Variants in ARID1B observed in about 807,000 individuals in gnomAD.
The protein encoded by ARID1B is AT-rich interaction domain 1B.
In ARID1B, 30 loss-of-function variants were observed where a neutral mutation model predicts 212.3. The ratio of observed to expected loss-of-function variants is 0.14; its 90% confidence interval spans 0.11 to 0.19. The LOEUF (loss-of-function observed/expected upper bound fraction) is 0.19. Ranked by LOEUF, ARID1B falls within the 10% of genes least tolerant of loss-of-function variation. The pLI is 1.00. For synonymous variants in ARID1B, 1,402 were observed against 1,301.7 expected (o/e 1.08, Z -1.66); for missense variants, 2,891 against 3,204.0 (o/e 0.90, Z 2.36).
intron 16 of ARID1B, among the ~76,000 whole-genome samples, chr6:157,197,354 G>A (rs1267459252): frequency 2.6e-5 from 4 of 152,198 alleles, no homozygotes; most frequent in Non-Finnish European, 4.4e-5. Context: ...GGCCAGAGCC[G>A]CTCACCTTTC....
At chr6:156,994,692 C>T (rs376357170) in intron 4 of ARID1B, among the ~76,000 whole-genome samples, 28 of 152,302 alleles carry the variant, frequency 1.8e-4, no homozygotes, top group Admixed American at 3.3e-4. Context: ...CAATTCTCAA[C>T]GGTTCCCTCC....
In ARID1B at chr6:156,961,742, A is replaced by C. The variant is rs115004091; in HGVS notation, c.2247+26166A>C. On this transcript the variant is annotated intron_variant, in intron 4 of 19. Coordinates refer to ENST00000636930, the MANE Select transcript of ARID1B (RefSeq NM_001374828.1). ...CTGGTTGTTTCTTGAAGTACAAATA[A>C]ATGGGCACACGGGGCTGGGAGCAAC... Among the ~76,000 whole-genome samples, 1,288 of 152,120 alleles carry C rather than the reference A, an allele frequency of 8.5e-3. 23 individuals carry two copies. The highest frequency in any genetic ancestry group is 0.03 in the African/African-American group (1,243 of 41,486).
chr6:157,032,088 C>T (rs1018396009), intron 4 of ARID1B, among the ~76,000 whole-genome samples: 15 of 152,238 alleles, frequency 9.9e-5, no homozygotes, highest in Non-Finnish European at 1.8e-4. Context: ...TGAGCCACCA[C>T]GCCCGGCCCA....
At chr6:157,014,177 G>C (rs1779775534) in intron 4 of ARID1B, among the ~76,000 whole-genome samples, 1 of 152,164 alleles carries the variant, frequency 6.6e-6, no homozygotes, top group Non-Finnish European at 1.5e-5. Flanking sequence ...CCAGCCATTA[G>C]CTCTTGCCTG....
chr6:156,946,701 A>G (rs1439857326), intron 4 of ARID1B, among the ~76,000 whole-genome samples: 1 of 140,372 alleles, frequency 7.1e-6, no homozygotes, highest in African/African-American at 2.5e-5. Flanking sequence ...GAATAGAGGG[A>G]GGGAGGGAGG....
At chr6:156,793,783 G>A (rs1780172272) in intron 1 of ARID1B, among the ~76,000 whole-genome samples, 1 of 152,154 alleles carries the variant, frequency 6.6e-6, no homozygotes, top group African/African-American at 2.4e-5. Context: ...AAGAAATGGA[G>A]GTTTAGAGAA....
chr6:157,069,052 A>G lies in ARID1B; in HGVS notation c.2248-15610A>G, dbSNP rs139796362. Among the ~76,000 whole-genome samples the G allele has an allele frequency of 3.1e-3, 470 of 152,260 alleles. 1 individual carries two copies. The highest frequency in any genetic ancestry group is 0.011 in the African/African-American group (445 of 41,530). On this transcript the variant is annotated intron_variant, in intron 4 of 19. Coordinates refer to ENST00000636930, the MANE Select transcript of ARID1B (RefSeq NM_001374828.1). ...AGGGTTTCTCTTCTGAGTGAAATGT[A>G]GCGTCCCCCTACATTTTAATGTTTA...
At position 157,070,216 on chromosome 6, in the gene ARID1B, C is replaced by CT. The variant is rs34932941; in HGVS notation, c.2248-14436dup. ...CTTAAATTGTTCATTTTGTTTTTTT[C>CT]TTTTTTTTTTAAAGAAAGATAAAAT... On this transcript the variant is annotated intron_variant, in intron 4 of 19. Transcript: ENST00000636930. 4.1e-3 allele frequency among the ~76,000 whole-genome samples: 583 copies of CT among 142,418 alleles called. 4 individuals carry two copies. Among genetic ancestry groups the CT allele is most frequent in the African/African-American group, 0.012 (473 of 38,606 alleles). 93.4% of individuals were successfully genotyped at this position (142,418 alleles called of 152,430 possible). A position where few individuals can be genotyped will look rare whatever the true frequency, so the allele number is the denominator to read the frequency against.
At chr6:156,827,404 C>A (rs567153056) in intron 1 of ARID1B, among the ~76,000 whole-genome samples, 8 of 152,218 alleles carry the variant, frequency 5.3e-5, no homozygotes, top group African/African-American at 1.9e-4. Context: ...CTTGCTTCCT[C>A]CCACCACTGC....
chr6:156,898,943 C>G (rs1788707643), intron 2 of ARID1B, among the ~76,000 whole-genome samples: 1 of 152,254 alleles, frequency 6.6e-6, no homozygotes, highest in East Asian at 1.9e-4. Context: ...TGCACTCCAG[C>G]TTGGGCAACA....
chr6:156,962,095 C>T (rs1006241470), intron 4 of ARID1B, among the ~76,000 whole-genome samples: 7 of 152,144 alleles, frequency 4.6e-5, no homozygotes, highest in African/African-American at 1.2e-4. Flanking sequence ...GTCAGGAGAT[C>T]GAGACCATCC....
rs185581916 is a variant in ARID1B at position 157,125,197 on chromosome 6, C to T, written c.2582-7831C>T. 1.4e-3 allele frequency among the ~76,000 whole-genome samples: 219 copies of T among 152,232 alleles called. 1 individual carries two copies. Among genetic ancestry groups the T allele is most frequent in the African/African-American group, 4.9e-3 (205 of 41,536 alleles). On this transcript the variant is annotated intron_variant, in intron 6 of 19. Transcript: ENST00000636930. ...ACAGATATCTGCGAGATGCAGAAGG[C>T]GGTTCAGTGCCCAAGTGTAGGCACC...
intron 7 of ARID1B, among the ~76,000 whole-genome samples, chr6:157,135,991 A>G (rs1788877737): frequency 6.6e-6 from 1 of 152,222 alleles, no homozygotes; most frequent in Non-Finnish European, 1.5e-5. Context: ...AATATTTCAC[A>G]GCCGTTTTAC....
chr6:157,001,893 T>C (rs1056964127), intron 4 of ARID1B, among the ~76,000 whole-genome samples: 5 of 152,178 alleles, frequency 3.3e-5, no homozygotes, highest in African/African-American at 1.2e-4. Context: ...TGGCGATAGG[T>C]CGCACACCTT....
intron 4 of ARID1B, chr6:157,036,833 A>G (rs1424441008): frequency 2.0e-6 from 1 of 499,720 alleles, no homozygotes; most frequent in Admixed American, 2.3e-5. Context: ...TTATGATTTC[A>G]GGTTGAAGTC....
At chr6:156,945,268 T>TG (rs1793027285) in intron 4 of ARID1B, among the ~76,000 whole-genome samples, 7 of 120,312 alleles carry the variant, frequency 5.8e-5, no homozygotes, top group Admixed American at 8.7e-5. Flanking sequence ...TTTTTTTTTT[T>TG]GTGAGTGTTT....
intron 2 of ARID1B, among the ~76,000 whole-genome samples, chr6:156,837,893 C>A (rs949535153): frequency 1.3e-5 from 2 of 152,150 alleles, no homozygotes; most frequent in African/African-American, 4.8e-5. Flanking sequence ...ATGTTTGGGA[C>A]GTCCTGGATT....
chr6:157,080,132 T>A (rs975416699), intron 4 of ARID1B, among the ~76,000 whole-genome samples: 7 of 152,190 alleles, frequency 4.6e-5, no homozygotes, highest in African/African-American at 1.7e-4. Flanking sequence ...CCTGGGGCAC[T>A]TCTGAGCAAG....
At chr6:157,027,953 C>T (rs1221651696) in intron 4 of ARID1B, among the ~76,000 whole-genome samples, 1 of 152,096 alleles carries the variant, frequency 6.6e-6, no homozygotes, top group Non-Finnish European at 1.5e-5. Context: ...GTAAGATTTT[C>T]CTTTTTATGA....
Sources: gnomAD v4.1 joint callset for allele counts (sites outside exome capture counted in the v4.1 genomes callset) on GRCh38, gnomAD v4.1.1 for gene constraint, MANE v1.5 for transcripts, NCBI Gene and HGNC (gene_info 2026-07-23, HGNC 2026-07-21) for gene names.